Variants in TMEM117 observed in about 807,000 individuals in gnomAD.
TMEM117 encodes the protein transmembrane protein 117.
A neutral mutation model predicts 52.4 loss-of-function variants in TMEM117; 27 were observed. The observed-to-expected ratio is 0.51, with a 90% CI of 0.38 to 0.71. The LOEUF (loss-of-function observed/expected upper bound fraction) is 0.71. TMEM117 is among the 30% of genes least tolerant of loss of function. The probability of loss-of-function intolerance (pLI) is 0.00; values close to 1 mark genes in which losing one functional copy is unlikely to be tolerated. For synonymous variants in TMEM117, 215 were observed against 206.3 expected (o/e 1.04, Z -0.36); for missense variants, 556 against 630.5 (o/e 0.88, Z 1.26).
chr12:44,311,897 G>GTA (rs1184586797), intron 6 of TMEM117, among the ~76,000 whole-genome samples: 20 of 120,760 alleles, frequency 1.7e-4, no homozygotes, highest in South Asian at 1.6e-3. Flanking sequence ...ATATATATGT[G>GTA]TATATATATA....
At chr12:44,274,269 T>C (rs1441360415) in intron 5 of TMEM117, among the ~76,000 whole-genome samples, 1 of 151,854 alleles carries the variant, frequency 6.6e-6, no homozygotes, top group African/African-American at 2.4e-5. Flanking sequence ...AACTTAGTAA[T>C]GAAAACTATA....
At chr12:43,931,216 A>T (rs1207940335) in intron 2 of TMEM117, among the ~76,000 whole-genome samples, 1 of 152,258 alleles carries the variant, frequency 6.6e-6, no homozygotes, top group Non-Finnish European at 1.5e-5. Context: ...GAATGGTGGA[A>T]GTGGGGCAAA....
chr12:43,799,579 A>G, the TMEM117 span: 4 of 683,170 alleles, frequency 5.9e-6, no homozygotes, highest in Non-Finnish European at 6.9e-6. Flanking sequence ...GGAAAAACAA[A>G]ATCATTAACA....
At chr12:44,135,635 G>T (rs1948479226) in intron 3 of TMEM117, among the ~76,000 whole-genome samples, 1 of 152,044 alleles carries the variant, frequency 6.6e-6, no homozygotes, top group South Asian at 2.1e-4. Context: ...TGGACGAAAA[G>T]AAGAAAGGGA....
At chr12:44,142,963 T>G (rs1421613227) in intron 3 of TMEM117, among the ~76,000 whole-genome samples, 1 of 152,218 alleles carries the variant, frequency 6.6e-6, no homozygotes, top group African/African-American at 2.4e-5. Flanking sequence ...CATTCTCTTA[T>G]TTATATTTCA....
At chr12:43,860,195 G>A (rs897847777) in intron 2 of TMEM117, among the ~76,000 whole-genome samples, 5 of 152,048 alleles carry the variant, frequency 3.3e-5, no homozygotes, top group African/African-American at 1.2e-4. Context: ...CCGTGACAGG[G>A]CCCAGTTTGT....
At chr12:44,206,846 A>G (rs1382626854) in intron 4 of TMEM117, among the ~76,000 whole-genome samples, 1 of 152,078 alleles carries the variant, frequency 6.6e-6, no homozygotes, top group Non-Finnish European at 1.5e-5. Context: ...GAGGACCAAA[A>G]ACTTCCACCT....
At chr12:44,177,659 C>T (rs1015659122) in intron 4 of TMEM117, among the ~76,000 whole-genome samples, 1 of 152,114 alleles carries the variant, frequency 6.6e-6, no homozygotes, top group Non-Finnish European at 1.5e-5. Context: ...ATCTTCACAA[C>T]TTATAAAGTG....
intron 2 of TMEM117, among the ~76,000 whole-genome samples, chr12:43,891,304 T>C (rs896777951): frequency 5.3e-5 from 8 of 152,134 alleles, no homozygotes; most frequent in African/African-American, 1.9e-4. Context: ...GTCTTAACTT[T>C]TCCAGATTCT....
Position 43,958,973 on chromosome 12 carries a change from AT to A in TMEM117, c.410+14638del, listed in dbSNP as rs1157269197. 2.6e-5 allele frequency among the ~76,000 whole-genome samples: 4 copies of A among 151,748 alleles called. No homozygotes were observed. The East Asian group carries it at 5.9e-4, about 22-fold the overall frequency. ...AGGCGCCCACCACCACGCCCGGCTA[AT>A]TTTTTTGTATTTTTAATAGAGACGG... On this transcript the variant is annotated intron_variant, in intron 3 of 7. Coordinates refer to ENST00000266534, the MANE Select transcript of TMEM117 (RefSeq NM_032256.3).
intron 3 of TMEM117, among the ~76,000 whole-genome samples, chr12:43,947,822 C>T (rs1398539081): frequency 6.6e-6 from 1 of 152,114 alleles, no homozygotes; most frequent in African/African-American, 2.4e-5. Context: ...GATTCCTTTC[C>T]AAACTGGAGG....
intron 3 of TMEM117, among the ~76,000 whole-genome samples, chr12:44,139,212 C>T (rs1948535798): frequency 6.6e-6 from 1 of 152,064 alleles, no homozygotes; most frequent in African/African-American, 2.4e-5. Flanking sequence ...TGTACTGCCT[C>T]CTGTTAAAAT....
At chr12:44,133,187 T>C (rs1469508869) in intron 3 of TMEM117, among the ~76,000 whole-genome samples, 1 of 152,184 alleles carries the variant, frequency 6.6e-6, no homozygotes, top group East Asian at 1.9e-4. Flanking sequence ...ATGTCTGCAT[T>C]GTCTTTGGCA....
chr12:44,240,347 C>G (rs1950046748), intron 5 of TMEM117, among the ~76,000 whole-genome samples: 1 of 152,068 alleles, frequency 6.6e-6, no homozygotes, highest in African/African-American at 2.4e-5. Flanking sequence ...GGCCATTTCC[C>G]AAGAGTTGCA....
chr12:44,348,418 AAGGTACCAATACCCCCTTTTCTT>A (rs975040206), intron 6 of TMEM117, among the ~76,000 whole-genome samples: 6 of 151,904 alleles, frequency 3.9e-5, no homozygotes, highest in South Asian at 2.1e-4. Context: ...CCTTTACCCC[AAGGTACCAATACCCCCTTTTCTT>A]AGGTACCAAT....
intron 6 of TMEM117, among the ~76,000 whole-genome samples, chr12:44,314,832 A>G (rs1951034470): frequency 6.6e-6 from 1 of 152,204 alleles, no homozygotes; most frequent in African/African-American, 2.4e-5. Flanking sequence ...CAATAGAATT[A>G]GTACGAGCTC....
At chr12:43,922,626 T>C (rs1944713729) in intron 2 of TMEM117, among the ~76,000 whole-genome samples, 2 of 152,214 alleles carry the variant, frequency 1.3e-5, no homozygotes, top group South Asian at 2.1e-4. Context: ...AAACATGTTA[T>C]AGTTTGCTAA....
At chr12:44,263,307 A>C (rs1950341605) in intron 5 of TMEM117, among the ~76,000 whole-genome samples, 1 of 152,182 alleles carries the variant, frequency 6.6e-6, no homozygotes, top group Non-Finnish European at 1.5e-5. Context: ...ATGAGATACC[A>C]TCTCACGCCA....
At chr12:44,208,681 G>C (rs1055410064) in intron 4 of TMEM117, among the ~76,000 whole-genome samples, 2 of 149,238 alleles carry the variant, frequency 1.3e-5, no homozygotes, top group Non-Finnish European at 3.0e-5. Flanking sequence ...TAAAGAGTTC[G>C]AGCTGGAGGT....
Sources: gnomAD v4.1 joint callset for allele counts (sites outside exome capture counted in the v4.1 genomes callset) on GRCh38, gnomAD v4.1.1 for gene constraint, MANE v1.5 for transcripts, NCBI Gene and HGNC (gene_info 2026-07-23, HGNC 2026-07-21) for gene names.